BDP1: variants seen among roughly 807,000 people sequenced by gnomAD.
BDP1 encodes transcription factor TFIIIB component B'' homolog.
In BDP1, 169 loss-of-function variants were observed where a neutral mutation model predicts 266.6. That is an observed-to-expected ratio of 0.63 (90% confidence interval 0.56 to 0.72). The LOEUF is 0.72. Among genes scored for constraint, BDP1 ranks in the 30% least tolerant of loss-of-function variants. BDP1 has a pLI of 0.00. For synonymous variants in BDP1, 1,090 were observed against 1,022.4 expected, an observed-to-expected ratio of 1.07 and a Z score of -1.26; for missense variants, 3,015 against 3,053.8, an observed-to-expected ratio of 0.99 and a Z score of 0.30.
At chr5:71,475,419 A>C (rs1226954645) in intron 7 of BDP1, among the ~76,000 whole-genome samples, 1 of 152,222 alleles carries the variant, frequency 6.6e-6, no homozygotes, top group Non-Finnish European at 1.5e-5. Flanking sequence ...CCTTCAGTGC[A>C]CTTCATAAGC....
chr5:71,515,093 C>T lies in BDP1; in HGVS notation c.4620C>T (p.Val1540=), dbSNP rs374623556. The T allele has an allele frequency of 3.1e-6, 5 of 1,601,402 alleles. No homozygotes were observed. In the African/African-American group the frequency reaches 6.7e-5, roughly 22 times the overall value. ...AAGAGGAGTCTCAGTCAGCACCAGT[C>T]CAGAAAAATGACTCAGTTGTTTCTG... is the stretch of plus-strand genomic sequence containing the variant. The part of the protein sequence containing the change: ...EPKEESQSAP[V]QKNDSVVSVG... The change falls in exon 20 of 39, where the codon GTC becomes GTT. Residue 1540 remains valine (V), a synonymous_variant. Coordinates refer to ENST00000358731, the MANE Select transcript of BDP1 (RefSeq NM_018429.3).
chr5:71,495,294 C>T lies in BDP1; in HGVS notation c.1685C>T (p.Ser562Leu), dbSNP rs1763815184. 3.7e-6 allele frequency: 6 copies of T among 1,601,434 alleles called. No individual in the cohort carries two copies. The highest frequency in any genetic ancestry group is 5.1e-6 in the Non-Finnish European group (6 of 1,172,896). Reference protein sequence around the residue: ...ATSVATESSESSTSDLPSFEV... With the variant: ...ATSVATESSELSTSDLPSFEV... ...TCAGTAGCAACTGAGTCTTCAGAAT[C>T]AAGCACTTCAGATTTGCCTTCATTC... Residue 562 changes from serine to leucine, a missense_variant, in exon 12 of 39, where the codon TCA (serine) becomes TTA (leucine). Physicochemically the swap from Ser to Leu is moderately radical, Grantham distance 145. This residue lies in a region of BDP1 where 2,383 missense variants were observed against 2,404.9 expected (regional missense o/e 0.99). Transcript: ENST00000358731.
chr5:71,456,105 G>A lies in BDP1; in HGVS notation c.212+16G>A, dbSNP rs781030883. 2 of 1,603,996 alleles carry A rather than the reference G, an allele frequency of 1.2e-6. No individual in the cohort carries two copies. The highest frequency in any genetic ancestry group is 8.5e-7 in the Non-Finnish European group (1 of 1,175,658). ...CTAGGAGCAGGTAAGAGGTTGCAGA[G>A]GGAAGAATTTTCATTTGTCCCGCCT... On this transcript the variant is annotated intron_variant, in intron 1 of 38. Coordinates refer to ENST00000358731, the MANE Select transcript of BDP1 (RefSeq NM_018429.3).
At position 71,455,871 on chromosome 5, in the gene BDP1, C is replaced by G; in HGVS notation, c.-7C>G. The G allele has an allele frequency of 6.4e-6, 10 of 1,567,678 alleles. No individual in the cohort carries two copies. The highest frequency in any genetic ancestry group is 8.6e-6 in the Non-Finnish European group (10 of 1,156,374). On this transcript the variant is annotated 5_prime_UTR_variant, in exon 1 of 39. Transcript: ENST00000358731. ...GAGGCTGCCTCCCCGGGCCCCCTGC[C>G]TCCGCCATGTTCCGCAGGGCACGCC... is the stretch of plus-strand genomic sequence containing the variant.
At chr5:71,578,283 A>G in the BDP1 span, among the ~76,000 whole-genome samples, 10 of 152,120 alleles carry the variant, frequency 6.6e-5, no homozygotes, top group Admixed American at 6.5e-4. Flanking sequence ...CCTTCTTCCA[A>G]ACATACTCTT....
At chr5:71,578,159 G>C in the BDP1 span, among the ~76,000 whole-genome samples, 1 of 152,166 alleles carries the variant, frequency 6.6e-6, no homozygotes, top group African/African-American at 2.4e-5. Context: ...ACTCTGGACC[G>C]AGCAGCTGAC....
intron 2 of BDP1, among the ~76,000 whole-genome samples, chr5:71,461,584 A>C (rs1761567769): frequency 6.6e-6 from 1 of 152,150 alleles, no homozygotes. Context: ...ACTGCACTTT[A>C]GCCTGGATGA....
intron 32 of BDP1, among the ~76,000 whole-genome samples, chr5:71,548,034 G>A (rs1303839046): frequency 6.6e-6 from 1 of 152,166 alleles, no homozygotes; most frequent in African/African-American, 2.4e-5. Context: ...TATAATCCCA[G>A]CACTTTGGGA....
rs1744074321 is a variant in BDP1, at chr5:71,567,026, CAG to C, written c.*2146_*2147del. On this transcript the variant is annotated 3_prime_UTR_variant, in exon 39 of 39. Coordinates refer to ENST00000358731, the MANE Select transcript of BDP1 (RefSeq NM_018429.3). ...TGAAATTTATGGCGTAACACTTTGT[CAG>C]AGAGGAGGCTATATAATTCGGAGCG... is the stretch of plus-strand genomic sequence containing the variant. 6.6e-6 allele frequency: 1 copy of C among 152,106 alleles called. No homozygotes were observed. The highest frequency in any genetic ancestry group is 2.4e-5 in the African/African-American group (1 of 41,406). The allele number at this position is 152,106 out of a possible 1,614,324, so 9.4% of individuals were successfully genotyped here.
intron 20 of BDP1, 138 bp from the exon 21 acceptor site, chr5:71,515,923 C>G (rs1441200607): frequency 1.7e-6 from 1 of 592,454 alleles, no homozygotes; most frequent in African/African-American, 1.9e-5. Flanking sequence ...TGTTTATAAT[C>G]AGAAAGCAAT....
In BDP1 at chr5:71,495,236, TTTC is replaced by T. The variant is rs1218277131; in HGVS notation, c.1641-11_1641-9del. Reference sequence around the variant, plus strand: ...AGGAATTCTTTTCTCTCTGAAATATTTTCTTTTTTTTAGTAATCAACAAGATGC... The same window carrying T: ...AGGAATTCTTTTCTCTCTGAAATATTTTTTTTTTAGTAATCAACAAGATGC... On this transcript the variant is annotated splice_polypyrimidine_tract_variant and intron_variant, in intron 11 of 38. Coordinates refer to ENST00000358731, the MANE Select transcript of BDP1 (RefSeq NM_018429.3). 2.0e-6 allele frequency: 3 copies of T among 1,494,192 alleles called. No homozygotes were observed. The highest frequency in any genetic ancestry group is 2.7e-6 in the Non-Finnish European group (3 of 1,112,296). The allele number at this position is 1,494,192 out of a possible 1,614,324, so 92.6% of individuals were successfully genotyped here. A position where few individuals can be genotyped will look rare whatever the true frequency, so the allele number is the denominator to read the frequency against.
intron 35 of BDP1, among the ~76,000 whole-genome samples, chr5:71,554,173 A>G (rs1360600094): frequency 1.3e-5 from 2 of 152,198 alleles, no homozygotes; most frequent in Non-Finnish European, 2.9e-5. Flanking sequence ...TTTGGTGAGT[A>G]AAAAAATGGC....
intron 9 of BDP1, among the ~76,000 whole-genome samples, chr5:71,488,709 G>A (rs1221842838): frequency 1.3e-5 from 2 of 149,658 alleles, no homozygotes; most frequent in Admixed American, 1.3e-4. Flanking sequence ...GATTACAGGC[G>A]TGAGCCACCA....
intron 22 of BDP1, among the ~76,000 whole-genome samples, chr5:71,518,320 T>C (rs1403638580): frequency 6.6e-6 from 1 of 152,230 alleles, no homozygotes; most frequent in African/African-American, 2.4e-5. Context: ...TAGAGTGACT[T>C]TGGCTTTCTG....
chr5:71,503,098 A>G (rs2150446440), intron 15 of BDP1, among the ~76,000 whole-genome samples: 1 of 151,844 alleles, frequency 6.6e-6, no homozygotes, highest in East Asian at 2.0e-4. Flanking sequence ...ATGATCTATA[A>G]TGTTTTTGTA....
chr5:71,515,125 A>G lies in BDP1; in HGVS notation c.4649+3A>G, dbSNP rs755764904. Reference sequence around the variant, plus strand: ...AATGACTCAGTTGTTTCTGTGGGGTAAACAGTGATTTTCTTTGACAATATA... The same window carrying G: ...AATGACTCAGTTGTTTCTGTGGGGTGAACAGTGATTTTCTTTGACAATATA... On this transcript the variant is annotated splice_donor_region_variant and intron_variant, in intron 20 of 38. Coordinates refer to ENST00000358731, the MANE Select transcript of BDP1 (RefSeq NM_018429.3). 6.4e-7 allele frequency: 1 copy of G among 1,570,062 alleles called. No individual in the cohort carries two copies. Among genetic ancestry groups the G allele is most frequent in the South Asian group, 1.2e-5 (1 of 83,384 alleles).
chr5:71,521,074 G>T (rs989886741), intron 22 of BDP1, among the ~76,000 whole-genome samples: 13 of 151,364 alleles, frequency 8.6e-5, no homozygotes, highest in African/African-American at 3.2e-4. Context: ...TGTAATCCCA[G>T]CTACTTGAGA....
intron 7 of BDP1, among the ~76,000 whole-genome samples, chr5:71,482,564 T>C (rs959031371): frequency 6.6e-5 from 10 of 152,242 alleles, no homozygotes; most frequent in African/African-American, 2.4e-4. Flanking sequence ...GGCCTGTTAC[T>C]GGTTCTTACC....
In BDP1 at chr5:71,566,310, G is replaced by A. The variant is rs1284974428; in HGVS notation, c.*1425G>A. 1 of 152,368 alleles carries A rather than the reference G, an allele frequency of 6.6e-6. No individual in the cohort carries two copies. The highest frequency in any genetic ancestry group is 1.9e-4 in the East Asian group (1 of 5,198). 9.4% of individuals were successfully genotyped at this position (152,368 alleles called of 1,614,324 possible). Reference sequence around the variant, plus strand: ...CCCATTAAATTCTCAAGGAACACTTGGATCTTTAAGCACGGAACATAATCA... The same window carrying A: ...CCCATTAAATTCTCAAGGAACACTTAGATCTTTAAGCACGGAACATAATCA... On this transcript the variant is annotated 3_prime_UTR_variant, in exon 39 of 39. Transcript: ENST00000358731.
Sources: allele counts gnomAD v4.1 joint callset (sites outside exome capture counted in the v4.1 genomes callset), GRCh38; gene constraint gnomAD v4.1.1; regional missense constraint gnomAD v4.1.1; transcripts MANE v1.5; gene names NCBI Gene and HGNC (gene_info 2026-07-23, HGNC 2026-07-21).